GLIS3: variants seen among roughly 807,000 people sequenced by gnomAD.
GLIS3 encodes zinc finger protein GLIS3.
A neutral mutation model predicts 78.6 loss-of-function variants in GLIS3; 53 were observed. The ratio of observed to expected loss-of-function variants is 0.67; its 90% CI spans 0.54 to 0.85. GLIS3 has a LOEUF of 0.85. Ranked by LOEUF, GLIS3 falls within the 40% of genes least tolerant of loss-of-function variation. GLIS3 has a pLI of 0.00. For synonymous variants in GLIS3, 684 were observed against 509.9 expected, an observed-to-expected ratio of 1.34 and a Z score of -4.60; for missense variants, 1,703 against 1,231.1, an observed-to-expected ratio of 1.38 and a Z score of -5.74.
Position 4,220,384 on chromosome 9 carries a change from C to T in GLIS3, c.388+65654G>A, listed in dbSNP as rs559517305. 2.0e-4 allele frequency among the ~76,000 whole-genome samples: 31 copies of T among 152,214 alleles called. No homozygotes were observed. In the East Asian group the frequency reaches 2.3e-3, roughly 11 times the overall value. On this transcript the variant is annotated intron_variant, in intron 2 of 10. Coordinates refer to ENST00000381971, the MANE Select transcript of GLIS3 (RefSeq NM_001042413.2). ...TTAATCACTTGTAAATTCGTGGGCACGAAATCTTTATTAATTAACTTCACA... is the reference window on the plus strand; with the variant it reads ...TTAATCACTTGTAAATTCGTGGGCATGAAATCTTTATTAATTAACTTCACA...
At chr9:3,978,705 A>G (rs1233567426) in intron 4 of GLIS3, among the ~76,000 whole-genome samples, 1 of 152,186 alleles carries the variant, frequency 6.6e-6, no homozygotes, top group East Asian at 1.9e-4. Flanking sequence ...ATACACACAC[A>G]CTATATAATT....
At chr9:3,973,853 G>A (rs10974268) in intron 4 of GLIS3, among the ~76,000 whole-genome samples, 7,638 of 152,004 alleles carry the variant, frequency 0.05, 227 homozygotes, top group Middle Eastern at 0.075. Flanking sequence ...TAAAATTTTC[G>A]ACATCTTATT....
chr9:4,045,438 C>A (rs1170941128), intron 4 of GLIS3, among the ~76,000 whole-genome samples: 1 of 151,950 alleles, frequency 6.6e-6, no homozygotes, highest in East Asian at 1.9e-4. Flanking sequence ...CAGGTTCAAG[C>A]AATTCTCCTT....
intron 6 of GLIS3, among the ~76,000 whole-genome samples, chr9:3,902,241 T>A (rs555583669): frequency 6.6e-6 from 1 of 152,292 alleles, no homozygotes; most frequent in South Asian, 2.1e-4. Flanking sequence ...GAACCTTAAG[T>A]AAAATTTCCA....
At chr9:4,481,924 T>C in the GLIS3 span, among the ~76,000 whole-genome samples, 1 of 152,258 alleles carries the variant, frequency 6.6e-6, no homozygotes, top group Non-Finnish European at 1.5e-5. Flanking sequence ...CAATTTATAA[T>C]GTTAAAAGTA....
intron 2 of GLIS3, among the ~76,000 whole-genome samples, chr9:4,184,164 G>C (rs1490005496): frequency 6.6e-6 from 1 of 152,034 alleles, no homozygotes; most frequent in African/African-American, 2.4e-5. Context: ...CAAAATCAAG[G>C]GTATAAGCAA....
At chr9:4,369,659 G>A in the GLIS3 span, among the ~76,000 whole-genome samples, 4 of 152,140 alleles carry the variant, frequency 2.6e-5, no homozygotes, top group African/African-American at 9.7e-5. Context: ...ACATGCACAT[G>A]GAGGATTATG....
chr9:4,137,643 A>C (rs1471782949), intron 2 of GLIS3, among the ~76,000 whole-genome samples: 1 of 152,206 alleles, frequency 6.6e-6, no homozygotes, highest in Non-Finnish European at 1.5e-5. Context: ...GCAAAGATAA[A>C]TTAAGCAATA....
At chr9:4,179,922 AT>A (rs1002113175) in intron 2 of GLIS3, among the ~76,000 whole-genome samples, 12 of 151,326 alleles carry the variant, frequency 7.9e-5, no homozygotes, top group Admixed American at 6.6e-5. Flanking sequence ...AAAAAAAAAA[AT>A]TAATTTCTAG....
At chr9:4,027,758 A>G (rs1209632232) in intron 4 of GLIS3, among the ~76,000 whole-genome samples, 1 of 152,144 alleles carries the variant, frequency 6.6e-6, no homozygotes, top group Non-Finnish European at 1.5e-5. Flanking sequence ...CCAGTCCATT[A>G]TTTCTGCCAG....
At chr9:3,867,813 C>T (rs979308074) in intron 8 of GLIS3, among the ~76,000 whole-genome samples, 2 of 151,934 alleles carry the variant, frequency 1.3e-5, no homozygotes, top group African/African-American at 4.8e-5. Context: ...GGATTTTGGA[C>T]CCCACCTCTC....
chr9:4,354,211 T>C, the GLIS3 span, among the ~76,000 whole-genome samples: 1 of 152,032 alleles, frequency 6.6e-6, no homozygotes, highest in African/African-American at 2.4e-5. Flanking sequence ...AATCAGACAA[T>C]GGCAGGCAAA....
At chr9:4,310,322 T>C (rs886318594) in intron 3 of GLIS3, 3 of 152,156 alleles carry the variant, frequency 2.0e-5, no homozygotes, top group African/African-American at 7.2e-5. Flanking sequence ...CCCTCTTCTA[T>C]ACTGTATTGA....
intron 8 of GLIS3, among the ~76,000 whole-genome samples, chr9:3,862,303 G>A (rs902144900): frequency 6.6e-5 from 10 of 152,270 alleles, no homozygotes; most frequent in African/African-American, 2.2e-4. Context: ...TCTTTATCAT[G>A]GGCTAGTGGG....
At chr9:4,000,055 T>A (rs1187038142) in intron 4 of GLIS3, among the ~76,000 whole-genome samples, 2 of 152,054 alleles carry the variant, frequency 1.3e-5, no homozygotes, top group African/African-American at 4.8e-5. Context: ...TTACTCAGAA[T>A]AAGAAAAAGC....
intron 8 of GLIS3, among the ~76,000 whole-genome samples, chr9:3,859,649 C>T (rs927125429): frequency 3.9e-5 from 6 of 152,140 alleles, no homozygotes; most frequent in South Asian, 2.1e-4. Context: ...GAAGAGACAC[C>T]TTCTGACATC....
intron 2 of GLIS3, among the ~76,000 whole-genome samples, chr9:4,186,808 T>C (rs1328821631): frequency 3.9e-5 from 6 of 152,230 alleles, no homozygotes; most frequent in Non-Finnish European, 5.9e-5. Context: ...TTTTGAGAAG[T>C]GTCTGTTCAT....
chr9:4,246,064 A>C (rs1371022990), intron 2 of GLIS3, among the ~76,000 whole-genome samples: 6 of 152,156 alleles, frequency 3.9e-5, no homozygotes, highest in African/African-American at 1.4e-4. Flanking sequence ...GAGGCTAAGA[A>C]GCAATAAACC....
At chr9:3,914,741 A>G (rs1256351475) in intron 6 of GLIS3, among the ~76,000 whole-genome samples, 1 of 152,192 alleles carries the variant, frequency 6.6e-6, no homozygotes, top group African/African-American at 2.4e-5. Context: ...CAAATTATAC[A>G]TTCCAGCCCC....
Sources: allele counts gnomAD v4.1 joint callset (sites outside exome capture counted in the v4.1 genomes callset), GRCh38; gene constraint gnomAD v4.1.1; transcripts MANE v1.5; gene names NCBI Gene and HGNC (gene_info 2026-07-23, HGNC 2026-07-21).